IL1RAPL1: variants seen among roughly 807,000 people sequenced by gnomAD.
The protein encoded by IL1RAPL1 is interleukin 1 receptor accessory protein like 1, also known as interleukin-1 receptor accessory protein-like 1.
A neutral mutation model predicts 48.4 loss-of-function variants in IL1RAPL1; 3 were observed. That is an observed-to-expected ratio of 0.06 (90% CI 0.03 to 0.16). The LOEUF is 0.16. Among genes scored for constraint, IL1RAPL1 ranks in the 10% least tolerant of loss-of-function variants. IL1RAPL1 has a pLI of 1.00. For missense variants in IL1RAPL1, 349 were observed against 530.6 expected, an observed-to-expected ratio of 0.66 and a Z score of 3.36; for synonymous variants, 185 against 187.7, an observed-to-expected ratio of 0.99 and a Z score of 0.12.
rs749083307 is a variant in IL1RAPL1, at chrX:29,399,237, T to C, written c.632T>C (p.Ile211Thr). 10 of 1,191,647 alleles carry C rather than the reference T, an allele frequency of 8.4e-6. No individual in the cohort carries two copies. Among genetic ancestry groups the C allele is most frequent in the African/African-American group, 1.8e-5 (1 of 56,921 alleles). Residue 211 changes from isoleucine (I) to threonine (T), a missense_variant, in exon 5 of 11, where the codon ATT (isoleucine) becomes ACT (threonine). Physicochemically the swap from Ile to Thr is moderately conservative, Grantham distance 89. This residue lies in a region of IL1RAPL1 where 238 missense variants were observed against 337.8 expected (regional missense o/e 0.70). Transcript: ENST00000378993. Reference protein sequence around the residue: ...LLIREVREDDIGNYTCELKYG... With the variant: ...LLIREVREDDTGNYTCELKYG... ...ATAAGAGAAGTCAGAGAAGATGACA[T>C]TGGAAATTATACCTGTGAATTAAAA...
chrX:29,927,635 C>T (rs1242376019), intron 8 of IL1RAPL1, among the ~76,000 whole-genome samples: 1 of 111,550 alleles, frequency 9.0e-6, no homozygotes, highest in Non-Finnish European at 1.9e-5. Flanking sequence ...AGGAAATAAA[C>T]TTAGGAATGT....
intron 2 of IL1RAPL1, among the ~76,000 whole-genome samples, chrX:28,888,830 T>G (rs1922705460): frequency 9.0e-6 from 1 of 110,871 alleles, no homozygotes; most frequent in African/African-American, 3.3e-5. Context: ...AAGACGTGAA[T>G]TTTAAGTGGT....
intron 6 of IL1RAPL1, among the ~76,000 whole-genome samples, chrX:29,885,579 G>C (rs1228019144): frequency 1.8e-5 from 2 of 111,732 alleles, no homozygotes; most frequent in South Asian, 3.8e-4. Context: ...AGGAGGCTGA[G>C]GCAGGAGAAT....
chrX:29,403,723 G>T (rs1934022683), intron 5 of IL1RAPL1, among the ~76,000 whole-genome samples: 1 of 111,161 alleles, frequency 9.0e-6, no homozygotes, highest in Non-Finnish European at 1.9e-5. Context: ...GATCATTTTA[G>T]CCTCTTCCCC....
intron 5 of IL1RAPL1, among the ~76,000 whole-genome samples, chrX:29,583,087 T>C (rs1923032107): frequency 9.4e-6 from 1 of 106,258 alleles, no homozygotes; most frequent in Non-Finnish European, 1.9e-5. Flanking sequence ...ATTGCCATTC[T>C]ATGACAAACC....
chrX:28,588,204 A>ATTG (rs1491427598), intron 1 of IL1RAPL1, among the ~76,000 whole-genome samples, 157 bp downstream of exon 1: 1 of 36,226 alleles, frequency 2.8e-5, no homozygotes, highest in African/African-American at 1.7e-4. Context: ...GGGTGTGTTG[A>ATTG]TATGTGTGTG....
chrX:29,510,862 A>G (rs1415755784), intron 5 of IL1RAPL1, among the ~76,000 whole-genome samples: 2 of 111,879 alleles, frequency 1.8e-5, no homozygotes, highest in African/African-American at 3.2e-5. Context: ...TTCTTGCCAT[A>G]TATGTGAATA....
At chrX:29,849,182 G>A (rs899666251) in intron 6 of IL1RAPL1, among the ~76,000 whole-genome samples, 3 of 111,795 alleles carry the variant, frequency 2.7e-5, no homozygotes, top group Non-Finnish European at 3.8e-5. Context: ...AAGAAGAAAT[G>A]TAGTTTTCTA....
At chrX:29,096,409 G>A (rs1455788403) in intron 2 of IL1RAPL1, among the ~76,000 whole-genome samples, 3 of 111,395 alleles carry the variant, frequency 2.7e-5, no homozygotes, top group Non-Finnish European at 5.7e-5. Context: ...ATGCTTACTC[G>A]TACAGAATCT....
chrX:28,771,231 T>C (rs753397877), intron 1 of IL1RAPL1, among the ~76,000 whole-genome samples: 1 of 111,900 alleles, frequency 8.9e-6, no homozygotes, highest in Non-Finnish European at 1.9e-5. Flanking sequence ...TGGAAACGAT[T>C]GCATTCTCAA....
chrX:28,778,731 C>A (rs1243163522), intron 1 of IL1RAPL1, among the ~76,000 whole-genome samples: 1 of 111,526 alleles, frequency 9.0e-6, no homozygotes, highest in African/African-American at 3.3e-5. Context: ...ACAGAATTTT[C>A]TGGCAGTGTA....
intron 2 of IL1RAPL1, among the ~76,000 whole-genome samples, chrX:29,211,640 T>C (rs748378691): frequency 1.4e-4 from 16 of 111,057 alleles, no homozygotes; most frequent in East Asian, 8.6e-4. Flanking sequence ...GGAAAAAACA[T>C]TCAATTGGGA....
At chrX:29,283,671 G>T (rs1417567441) in intron 3 of IL1RAPL1, among the ~76,000 whole-genome samples, 1 of 111,738 alleles carries the variant, frequency 8.9e-6, no homozygotes, top group Non-Finnish European at 1.9e-5. Flanking sequence ...GGGAGAGGAA[G>T]AGAGAATTAC....
intron 2 of IL1RAPL1, among the ~76,000 whole-genome samples, chrX:29,281,789 A>G (rs1393547460): frequency 8.9e-6 from 1 of 112,435 alleles, no homozygotes; most frequent in Non-Finnish European, 1.9e-5. Flanking sequence ...ATTGGCTAGC[A>G]TAAAAGAAAG....
chrX:28,770,739 T>C (rs1411242372), intron 1 of IL1RAPL1, among the ~76,000 whole-genome samples: 1 of 112,386 alleles, frequency 8.9e-6, no homozygotes, highest in African/African-American at 3.2e-5. Context: ...TTGATTGGTA[T>C]GTTAAAGCTA....
intron 6 of IL1RAPL1, among the ~76,000 whole-genome samples, chrX:29,812,945 C>T (rs934204942): frequency 2.7e-5 from 3 of 111,307 alleles, no homozygotes; most frequent in African/African-American, 9.8e-5. Flanking sequence ...TGAAACCTGA[C>T]AGGCGTTTGA....
Position 29,720,573 on chromosome X carries a change from G to A in IL1RAPL1, c.778+52069G>A, listed in dbSNP as rs369746374. Among the ~76,000 whole-genome samples the A allele has an allele frequency of 2.7e-5, 3 of 110,439 alleles. No individual in the cohort carries two copies. The East Asian group carries it at 8.6e-4, about 32-fold the overall frequency. Reference sequence around the variant, plus strand: ...AACAATGAGAACACATGGACACAGGGAGGGGAACATCACACACTGGGGCCT... The same window carrying A: ...AACAATGAGAACACATGGACACAGGAAGGGGAACATCACACACTGGGGCCT... On this transcript the variant is annotated intron_variant, in intron 6 of 10. Coordinates refer to ENST00000378993, the MANE Select transcript of IL1RAPL1 (RefSeq NM_014271.4).
At chrX:29,322,799 C>G (rs780069893) in intron 3 of IL1RAPL1, among the ~76,000 whole-genome samples, 37 of 110,845 alleles carry the variant, frequency 3.3e-4, no homozygotes, top group Non-Finnish European at 4.3e-4. Context: ...GAACAGGAAC[C>G]TCATAACTGA....
intron 4 of IL1RAPL1, among the ~76,000 whole-genome samples, chrX:29,398,571 A>C (rs181951828): frequency 1.6e-4 from 18 of 112,198 alleles, no homozygotes; most frequent in African/African-American, 5.2e-4. Flanking sequence ...TGATTGTTTC[A>C]TGGATTATAG....
Sources: allele counts gnomAD v4.1 joint callset (sites outside exome capture counted in the v4.1 genomes callset), GRCh38; gene constraint gnomAD v4.1.1; regional missense constraint gnomAD v4.1.1; transcripts MANE v1.5; gene names NCBI Gene and HGNC (gene_info 2026-07-23, HGNC 2026-07-21).